SEMA3E: variants seen among roughly 807,000 people sequenced by gnomAD.
The protein encoded by SEMA3E is semaphorin-3E.
A neutral mutation model predicts 93.6 loss-of-function variants in SEMA3E; 49 were observed. The observed-to-expected ratio is 0.52, with a 90% CI of 0.42 to 0.66. SEMA3E has a LOEUF of 0.66. Ranked by LOEUF, SEMA3E falls within the 30% of genes least tolerant of loss-of-function variation. The pLI, the probability that SEMA3E is intolerant of heterozygous loss-of-function variation, is 0.00. For synonymous variants in SEMA3E, 363 were observed against 330.7 expected, an observed-to-expected ratio of 1.10 and a Z score of -1.06; for missense variants, 906 against 964.8, an observed-to-expected ratio of 0.94 and a Z score of 0.81.
At chr7:83,522,375 T>G (rs1791067835) in intron 1 of SEMA3E, among the ~76,000 whole-genome samples, 1 of 152,108 alleles carries the variant, frequency 6.6e-6, no homozygotes, top group Non-Finnish European at 1.5e-5. Context: ...TTTCTTCAGA[T>G]AGCCATTGAC....
At chr7:83,645,165 A>G (rs1794063576) in intron 1 of SEMA3E, among the ~76,000 whole-genome samples, 1 of 152,002 alleles carries the variant, frequency 6.6e-6, no homozygotes, top group Non-Finnish European at 1.5e-5. Flanking sequence ...GAGAGAACAG[A>G]TATCAACAGA....
chr7:83,593,264 C>G (rs1021918846), intron 1 of SEMA3E, among the ~76,000 whole-genome samples: 1 of 101,968 alleles, frequency 9.8e-6, no homozygotes, highest in Non-Finnish European at 1.8e-5. Context: ...CTCTCTGTCT[C>G]TCTCTCTCTC....
chr7:83,581,494 T>A (rs2115909643), intron 1 of SEMA3E, among the ~76,000 whole-genome samples: 1 of 152,164 alleles, frequency 6.6e-6, no homozygotes, highest in South Asian at 2.1e-4. Flanking sequence ...TTTTAAACAT[T>A]TTAATGGTAG....
At position 83,372,987 on chromosome 7, in the gene SEMA3E, G is replaced by A. The variant is rs967576160; in HGVS notation, c.1876-4949C>T. On this transcript the variant is annotated intron_variant, in intron 16 of 16. Coordinates refer to ENST00000643230, the MANE Select transcript of SEMA3E (RefSeq NM_012431.3). ...TTCATCCATCTGTGTTTTTTTCTAC[G>A]TCTGCAGACCAGATTTTCTCTGTCA... 8 of 151,772 alleles carry A rather than the reference G, an allele frequency of 5.3e-5. No individual in the cohort carries two copies. The East Asian group carries it at 7.7e-4, about 15-fold the overall frequency. The allele number at this position is 151,772 out of a possible 1,614,324, so 9.4% of individuals were successfully genotyped here.
intron 1 of SEMA3E, among the ~76,000 whole-genome samples, chr7:83,566,066 G>A (rs577535081): frequency 0.16 from 281 of 1,804 alleles, no homozygotes; most frequent in Non-Finnish European, 0.18. Context: ...GCACTATGTG[G>A]GCTCACTGCC....
At chr7:83,626,745 T>C (rs1320857211) in intron 1 of SEMA3E, among the ~76,000 whole-genome samples, 1 of 152,192 alleles carries the variant, frequency 6.6e-6, no homozygotes, top group Admixed American at 6.5e-5. Context: ...TGTCCTCTGC[T>C]AGCTTTTGAA....
chr7:83,503,010 C>CTTT lies in SEMA3E; in HGVS notation c.116-12737_116-12736insAAA, dbSNP rs71522664. Reference sequence around the variant, plus strand: ...CAAATATATATGAGTTTCTTTCTCTCTCTTTTTTTTTTTTTTGATGTCAAT... The same window carrying CTTT: ...CAAATATATATGAGTTTCTTTCTCTCTTTTCTTTTTTTTTTTTTTGATGTCAAT... On this transcript the variant is annotated intron_variant, in intron 1 of 16. Coordinates refer to ENST00000643230, the MANE Select transcript of SEMA3E (RefSeq NM_012431.3). Among the ~76,000 whole-genome samples, 144 of 138,876 alleles carry CTTT rather than the reference C, an allele frequency of 1.0e-3. 1 individual carries two copies. The highest frequency in any genetic ancestry group is 3.8e-3 in the Middle Eastern group (1 of 266). 91.1% of individuals were successfully genotyped at this position (138,876 alleles called of 152,430 possible).
chr7:83,455,149 T>C (rs550892958), intron 4 of SEMA3E, among the ~76,000 whole-genome samples: 1 of 152,356 alleles, frequency 6.6e-6, no homozygotes, highest in South Asian at 2.1e-4. Flanking sequence ...TTTGCATGAC[T>C]AATTTAGCCT....
intron 6 of SEMA3E, among the ~76,000 whole-genome samples, chr7:83,407,547 A>G (rs1026970870): frequency 2.0e-5 from 3 of 152,158 alleles, no homozygotes; most frequent in Admixed American, 2.0e-4. Flanking sequence ...AGGAAAGAGC[A>G]GATTGGGAGC....
intron 16 of SEMA3E, 82 bp from the exon 17 acceptor site, chr7:83,368,120 G>C (rs1256947252): frequency 7.7e-7 from 1 of 1,290,654 alleles, no homozygotes; most frequent in East Asian, 2.3e-5. Flanking sequence ...TACCTATCTT[G>C]AATTTTTTCA....
At chr7:83,504,952 A>G (rs374956765) in intron 1 of SEMA3E, among the ~76,000 whole-genome samples, 1 of 152,090 alleles carries the variant, frequency 6.6e-6, no homozygotes, top group Non-Finnish European at 1.5e-5. Flanking sequence ...AAAACTTCCT[A>G]TTGTCACTTA....
chr7:83,536,387 A>T (rs2115745134), intron 1 of SEMA3E, among the ~76,000 whole-genome samples: 1 of 152,254 alleles, frequency 6.6e-6, no homozygotes, highest in East Asian at 1.9e-4. Context: ...CAATTTTTTA[A>T]AATAGTACAA....
intron 4 of SEMA3E, among the ~76,000 whole-genome samples, chr7:83,428,749 T>A (rs890689272): frequency 6.6e-6 from 1 of 152,170 alleles, no homozygotes; most frequent in Non-Finnish European, 1.5e-5. Context: ...TTTTAACATT[T>A]TTTTCTCTAA....
In SEMA3E at chr7:83,400,217, T is replaced by A. The variant is rs1027331615; in HGVS notation, c.1177A>T (p.Thr393Ser). Residue 393 changes from threonine (T) to serine (S), a missense_variant, in exon 11 of 17, where the codon ACC becomes TCC. Thr to Ser is a moderately conservative substitution (Grantham distance 58, BLOSUM62 1). Coordinates refer to ENST00000643230, the MANE Select transcript of SEMA3E (RefSeq NM_012431.3). ...GCATCATCAGGATAGTCCTTGGTGG[T>A]TCCGTATCTCCCTCCATTTACTTTG... ...ASKVNGGRYGTTKDYPDDAIR... is the reference protein window; with the variant it reads ...ASKVNGGRYGSTKDYPDDAIR... 8 of 1,613,976 alleles carry A rather than the reference T, an allele frequency of 5.0e-6. No individual in the cohort carries two copies. The East Asian group carries it at 6.7e-5, about 13-fold the overall frequency.
chr7:83,611,761 A>T, intron 1 of SEMA3E, among the ~76,000 whole-genome samples: 1 of 152,062 alleles, frequency 6.6e-6, no homozygotes, highest in Admixed American at 6.6e-5. Flanking sequence ...AATCCCCTAC[A>T]GATTTATTTC....
chr7:83,643,247 AAAC>A (rs1264748498), intron 1 of SEMA3E, among the ~76,000 whole-genome samples: 1 of 152,028 alleles, frequency 6.6e-6, no homozygotes, highest in East Asian at 1.9e-4. Flanking sequence ...CTGGATAGCA[AAAC>A]AACAATATGA....
At chr7:83,491,603 T>G (rs1206895975) in intron 1 of SEMA3E, among the ~76,000 whole-genome samples, 3 of 152,014 alleles carry the variant, frequency 2.0e-5, no homozygotes, top group Admixed American at 6.6e-5. Flanking sequence ...GAATAAGTTT[T>G]GAGGGTGGGG....
intron 1 of SEMA3E, among the ~76,000 whole-genome samples, chr7:83,552,385 G>A (rs1791783885): frequency 6.6e-6 from 1 of 152,262 alleles, no homozygotes; most frequent in Non-Finnish European, 1.5e-5. Flanking sequence ...TGTGTTAACT[G>A]TACAAATTGA....
chr7:83,509,447 AGACACACTCTGT>A (rs1408151161), intron 1 of SEMA3E, among the ~76,000 whole-genome samples: 2 of 152,204 alleles, frequency 1.3e-5, no homozygotes, highest in Non-Finnish European at 2.9e-5. Context: ...GGAGGCAACG[AGACACACTCTGT>A]GACATATGAG....
Sources: allele counts gnomAD v4.1 joint callset (sites outside exome capture counted in the v4.1 genomes callset), GRCh38; gene constraint gnomAD v4.1.1; transcripts MANE v1.5; gene names NCBI Gene and HGNC (gene_info 2026-07-23, HGNC 2026-07-21).